PHACTR1: variants seen among roughly 807,000 people sequenced by gnomAD.
PHACTR1 encodes the protein RPEL repeat containing 1.
In PHACTR1, 16 loss-of-function variants were observed where a neutral mutation model predicts 69.2. The ratio of observed to expected loss-of-function variants is 0.23; its 90% CI spans 0.16 to 0.35. The LOEUF (loss-of-function observed/expected upper bound fraction) is 0.35, where lower values mean the gene tolerates loss of function less well. Among genes scored for constraint, PHACTR1 ranks in the 10% least tolerant of loss-of-function variants. The pLI is 1.00. For synonymous variants in PHACTR1, 312 were observed against 284.5 expected (o/e 1.10, Z -0.97); for missense variants, 510 against 734.7 (o/e 0.69, Z 3.54).
At chr6:13,122,912 C>T (rs186519055) in intron 5 of PHACTR1, among the ~76,000 whole-genome samples, 2 of 152,226 alleles carry the variant, frequency 1.3e-5, no homozygotes, top group East Asian at 1.9e-4. Flanking sequence ...AATATTCATT[C>T]GAGGCAGCAC....
chr6:13,028,595 T>C (rs1583033240), intron 4 of PHACTR1, among the ~76,000 whole-genome samples: 1 of 152,300 alleles, frequency 6.6e-6, no homozygotes, highest in East Asian at 1.9e-4. Context: ...CTGAGGACTG[T>C]TGACATTTTA....
intron 4 of PHACTR1, among the ~76,000 whole-genome samples, chr6:12,767,527 A>T (rs1302042279): frequency 6.6e-6 from 1 of 151,516 alleles, no homozygotes; most frequent in Admixed American, 6.6e-5. Flanking sequence ...GTTCCAGGTG[A>T]GCACCTGACT....
chr6:13,015,071 T>C (rs985335242), intron 4 of PHACTR1, among the ~76,000 whole-genome samples: 1 of 152,218 alleles, frequency 6.6e-6, no homozygotes, highest in South Asian at 2.1e-4. Flanking sequence ...CTCGTCTCCA[T>C]GCCTGACACG....
At chr6:12,752,783 C>T (rs1766785322) in intron 4 of PHACTR1, among the ~76,000 whole-genome samples, 1 of 152,010 alleles carries the variant, frequency 6.6e-6, no homozygotes, top group African/African-American at 2.4e-5. Context: ...GGATATACTT[C>T]TTCACCTACA....
intron 5 of PHACTR1, among the ~76,000 whole-genome samples, chr6:13,084,314 A>G (rs554729742): frequency 6.9e-6 from 1 of 143,912 alleles, no homozygotes; most frequent in South Asian, 2.3e-4. Context: ...ATAGGTGGGA[A>G]TTGAACAATG....
intron 4 of PHACTR1, among the ~76,000 whole-genome samples, chr6:12,816,086 A>G (rs1472102567): frequency 6.6e-6 from 1 of 152,220 alleles, no homozygotes; most frequent in East Asian, 1.9e-4. Context: ...ATATTACCAG[A>G]TTCTGGAACT....
chr6:12,900,034 C>G (rs1320586582), intron 4 of PHACTR1, among the ~76,000 whole-genome samples: 1 of 152,178 alleles, frequency 6.6e-6, no homozygotes, highest in Non-Finnish European at 1.5e-5. Flanking sequence ...CTCCCTGAAG[C>G]ACATTGGCCA....
chr6:13,007,658 C>CTT (rs55855505), intron 4 of PHACTR1, among the ~76,000 whole-genome samples: 1 of 111,596 alleles, frequency 9.0e-6, no homozygotes, highest in Non-Finnish European at 1.9e-5. Context: ...TTTGGAGATC[C>CTT]TTTTTTTTTT....
intron 4 of PHACTR1, chr6:12,957,323 C>T (rs1421642489): frequency 5.1e-6 from 5 of 979,416 alleles, no homozygotes; most frequent in Middle Eastern, 5.2e-4. Flanking sequence ...CCTCTGAATC[C>T]TCTCCAGGCT....
chr6:12,884,290 C>T (rs1048882155), intron 4 of PHACTR1, among the ~76,000 whole-genome samples: 2 of 152,142 alleles, frequency 1.3e-5, no homozygotes, highest in African/African-American at 4.8e-5. Context: ...TTTCATTTTT[C>T]ATGTCTCTCT....
At chr6:12,719,318 T>C (rs1452464232) in intron 3 of PHACTR1, among the ~76,000 whole-genome samples, 1 of 152,190 alleles carries the variant, frequency 6.6e-6, no homozygotes, top group Non-Finnish European at 1.5e-5. Flanking sequence ...CCGCCTCAGA[T>C]AATTACTAGT....
chr6:12,841,508 A>G (rs1778698337), intron 4 of PHACTR1, among the ~76,000 whole-genome samples: 1 of 152,216 alleles, frequency 6.6e-6, no homozygotes, highest in African/African-American at 2.4e-5. Context: ...AAATGAATTG[A>G]GCATCAGATA....
chr6:12,741,512 T>C (rs998795716), intron 3 of PHACTR1, among the ~76,000 whole-genome samples: 1 of 152,176 alleles, frequency 6.6e-6, no homozygotes, highest in African/African-American at 2.4e-5. Context: ...AACTATTTCT[T>C]GAAAAGTCCA....
At chr6:13,113,491 A>G (rs771824843) in intron 5 of PHACTR1, among the ~76,000 whole-genome samples, 1 of 152,218 alleles carries the variant, frequency 6.6e-6, no homozygotes, top group African/African-American at 2.4e-5. Flanking sequence ...ACATTAACAA[A>G]AGAGAACATA....
intron 4 of PHACTR1, among the ~76,000 whole-genome samples, chr6:12,863,991 C>T (rs1384837065): frequency 1.3e-5 from 2 of 152,138 alleles, no homozygotes; most frequent in South Asian, 2.1e-4. Flanking sequence ...TTTCATGCAC[C>T]GACACTAAGG....
rs575235688 is a variant in PHACTR1, at chr6:12,778,453, C to G, written c.250+28663C>G. Reference sequence around the variant, plus strand: ...GGGGTGATAGTTTTCTGGAAGAACACAGGAAAGTCTTCATTTATTCTTTAA... The same window carrying G: ...GGGGTGATAGTTTTCTGGAAGAACAGAGGAAAGTCTTCATTTATTCTTTAA... On this transcript the variant is annotated intron_variant, in intron 4 of 14. Coordinates refer to ENST00000332995, the MANE Select transcript of PHACTR1 (RefSeq NM_030948.6). 1.2e-4 allele frequency among the ~76,000 whole-genome samples: 18 copies of G among 152,284 alleles called. No individual in the cohort carries two copies. In the East Asian group the frequency reaches 3.5e-3, roughly 29 times the overall value.
intron 4 of PHACTR1, among the ~76,000 whole-genome samples, chr6:12,870,262 CAA>C (rs896777928): frequency 6.6e-6 from 1 of 152,204 alleles, no homozygotes; most frequent in African/African-American, 2.4e-5. Flanking sequence ...CTCTGTCATT[CAA>C]AGACATTCTT....
chr6:13,220,132 G>A (rs1009701722), intron 8 of PHACTR1, among the ~76,000 whole-genome samples: 6 of 152,244 alleles, frequency 3.9e-5, no homozygotes, highest in Non-Finnish European at 4.4e-5. Context: ...CGGTAGCCAT[G>A]TGGTGGTTTT....
At chr6:13,192,515 A>G (rs745518654) in intron 7 of PHACTR1, among the ~76,000 whole-genome samples, 4 of 152,326 alleles carry the variant, frequency 2.6e-5, no homozygotes, top group Non-Finnish European at 4.4e-5. Context: ...TGTCACGAGG[A>G]AGGATTTAAC....
Sources: gnomAD v4.1 joint callset for allele counts (sites outside exome capture counted in the v4.1 genomes callset) on GRCh38, gnomAD v4.1.1 for gene constraint, MANE v1.5 for transcripts, NCBI Gene and HGNC (gene_info 2026-07-23, HGNC 2026-07-21) for gene names.